The following PCDHGA5 variants were observed in gnomAD, a reference collection of about 807,000 sequenced individuals.
The protein encoded by PCDHGA5 is protocadherin gamma subfamily A, 5.
Under a neutral mutation model 56.7 loss-of-function variants are expected in PCDHGA5, and 36 were observed. The observed-to-expected ratio is 0.64, with a 90% CI of 0.49 to 0.84. The LOEUF (loss-of-function observed/expected upper bound fraction) is 0.84, where lower values mean the gene tolerates loss of function less well. Among genes scored for constraint, PCDHGA5 ranks in the 40% least tolerant of loss-of-function variants. The pLI, the probability that PCDHGA5 is intolerant of heterozygous loss-of-function variation, is 0.00. For missense variants in PCDHGA5, 1,305 were observed against 1,201.5 expected (o/e 1.09, Z -1.27); for synonymous variants, 563 against 520.2 (o/e 1.08, Z -1.12).
chr5:141,485,607 C>T lies in PCDHGA5; in HGVS notation c.2422-9200C>T. On this transcript the variant is annotated intron_variant, in intron 1 of 3. Coordinates refer to ENST00000518069, the MANE Select transcript of PCDHGA5 (RefSeq NM_018918.3). The surrounding 1 kb of genome is among the most constrained non-coding windows in gnomAD (Gnocchi z 5.7). ...CAGCTGGACTTGGAAATTGGGGAGG[C>T]AGCTCCTCCAGGACAGCGTTTCCCG... is the stretch of plus-strand genomic sequence containing the variant. 1 of 1,612,008 alleles carries T rather than the reference C, an allele frequency of 6.2e-7. No individual in the cohort carries two copies. The highest frequency in any genetic ancestry group is 8.5e-7 in the Non-Finnish European group (1 of 1,178,534).
At chr5:141,496,412 T>C (rs1322376676) in intron 2 of PCDHGA5, among the ~76,000 whole-genome samples, 1 of 152,180 alleles carries the variant, frequency 6.6e-6, no homozygotes, top group African/African-American at 2.4e-5. Context: ...GGTTGAGTAC[T>C]TGCTGTCCAC....
At chr5:141,371,409 G>A in intron 1 of PCDHGA5, 7 of 1,614,022 alleles carry the variant, frequency 4.3e-6, no homozygotes, top group Non-Finnish European at 5.9e-6. Context: ...AGATATTTCA[G>A]ATGAAAATGA....
chr5:141,501,328 CACA>C (rs2099808027), intron 2 of PCDHGA5, among the ~76,000 whole-genome samples: 1 of 151,710 alleles, frequency 6.6e-6, no homozygotes, highest in Non-Finnish European at 1.5e-5. Context: ...CACACACACA[CACA>C]CACCCCAAAC....
intron 1 of PCDHGA5, chr5:141,399,869 G>A: frequency 1.2e-6 from 2 of 1,612,822 alleles, no homozygotes; most frequent in Non-Finnish European, 8.5e-7. Context: ...GCAGAGCCCG[G>A]CTACCTGGTG....
In PCDHGA5 at chr5:141,433,401, A is replaced by ATCTC. The variant is rs1554126038; in HGVS notation, c.2422-61403_2422-61402insCTCT. On this transcript the variant is annotated intron_variant, in intron 1 of 3. Transcript: ENST00000518069. ...TATCTATCTATCTATCTATCTATCT[A>ATCTC]TCTATTACTTTCTTGTACAGACAGG... Among the ~76,000 whole-genome samples, 677 of 150,598 alleles carry ATCTC rather than the reference A, an allele frequency of 4.5e-3. 6 individuals are homozygous for ATCTC. Among genetic ancestry groups the ATCTC allele is most frequent in the African/African-American group, 0.015 (630 of 40,958 alleles).
At chr5:141,420,213 G>A in intron 1 of PCDHGA5, 1 of 1,611,648 alleles carries the variant, frequency 6.2e-7, no homozygotes, top group Non-Finnish European at 8.5e-7. Flanking sequence ...AACAAAGATA[G>A]CATGCTACTG....
intron 1 of PCDHGA5, chr5:141,375,644 G>C: frequency 6.2e-7 from 1 of 1,614,180 alleles, no homozygotes; most frequent in Non-Finnish European, 8.5e-7. Flanking sequence ...GCGCTCCTTC[G>C]ACTATGAGCA....
chr5:141,372,625 G>A (rs1768925620), intron 1 of PCDHGA5: 8 of 1,614,000 alleles, frequency 5.0e-6, no homozygotes, highest in Non-Finnish European at 6.8e-6. Flanking sequence ...CCCACCTACA[G>A]CGAAAGGACT....
chr5:141,491,641 C>T lies in PCDHGA5; in HGVS notation c.2422-3166C>T. Reference sequence around the variant, plus strand: ...CCTCAGCGTTCAGCAGCCCACAGCTCTGGCGCTGGAGCCTGACGCCATCCG... The same window carrying T: ...CCTCAGCGTTCAGCAGCCCACAGCTTTGGCGCTGGAGCCTGACGCCATCCG... On this transcript the variant is annotated intron_variant, in intron 1 of 3. Coordinates refer to ENST00000518069, the MANE Select transcript of PCDHGA5 (RefSeq NM_018918.3). The surrounding 1 kb of genome is among the most constrained non-coding windows in gnomAD (Gnocchi z 6.9). The T allele has an allele frequency of 6.2e-7, 1 of 1,613,896 alleles. No homozygotes were observed. Among genetic ancestry groups the T allele is most frequent in the Non-Finnish European group, 8.5e-7 (1 of 1,180,018 alleles).
chr5:141,434,209 A>G (rs946478332), intron 1 of PCDHGA5, among the ~76,000 whole-genome samples: 17 of 152,216 alleles, frequency 1.1e-4, no homozygotes, highest in African/African-American at 4.1e-4. Flanking sequence ...TACTTCTGTC[A>G]GTGTAAACAA....
intron 1 of PCDHGA5, chr5:141,398,897 C>T (rs761364649): frequency 1.2e-6 from 2 of 1,613,932 alleles, no homozygotes; most frequent in Non-Finnish European, 1.7e-6. Context: ...AACGTGCCAC[C>T]AGGCACCACT....
intron 1 of PCDHGA5, chr5:141,393,194 C>G (rs770162660): frequency 6.2e-7 from 1 of 1,613,362 alleles, no homozygotes. Flanking sequence ...TTGATATTAA[C>G]GATAATAACC....
intron 1 of PCDHGA5, among the ~76,000 whole-genome samples, chr5:141,483,575 A>G (rs1165739266): frequency 6.6e-6 from 1 of 152,194 alleles, no homozygotes; most frequent in Non-Finnish European, 1.5e-5. Flanking sequence ...GAATTCTGGC[A>G]TAAACACCTA....
intron 1 of PCDHGA5, chr5:141,376,312 G>A (rs984837472): frequency 6.2e-7 from 1 of 1,614,060 alleles, no homozygotes; most frequent in African/African-American, 1.3e-5. Flanking sequence ...TTGTGGGCGT[G>A]GAAGGGGTTC....
intron 3 of PCDHGA5, among the ~76,000 whole-genome samples, chr5:141,506,402 G>C (rs1032556978): frequency 7.0e-6 from 1 of 143,732 alleles, no homozygotes; most frequent in African/African-American, 2.6e-5. Context: ...GCAGAAAATC[G>C]CACCACTGCA....
chr5:141,392,671 C>A, intron 1 of PCDHGA5: 1 of 875,408 alleles, frequency 1.1e-6, no homozygotes, highest in Non-Finnish European at 1.7e-6. Context: ...AAACTAACTG[C>A]TGGACTGCAG....
intron 1 of PCDHGA5, chr5:141,414,287 C>G: frequency 6.2e-7 from 1 of 1,613,434 alleles, no homozygotes; most frequent in Non-Finnish European, 8.5e-7. Flanking sequence ...ACAGTCGTAG[C>G]CCTTTTAAAT....
At chr5:141,427,156 T>G (rs533425641) in intron 1 of PCDHGA5, 10 of 456,890 alleles carry the variant, frequency 2.2e-5, no homozygotes, top group African/African-American at 2.0e-4. Flanking sequence ...AATATGTTTG[T>G]GCTAGACCAT....
At chr5:141,415,818 A>C in intron 1 of PCDHGA5, 11 of 1,325,038 alleles carry the variant, frequency 8.3e-6, no homozygotes, top group Non-Finnish European at 8.7e-6. Flanking sequence ...CCTATATATC[A>C]TAAGGCTTTG....
Sources: allele counts gnomAD v4.1 joint callset (sites outside exome capture counted in the v4.1 genomes callset), GRCh38; gene constraint gnomAD v4.1.1; non-coding constraint Gnocchi (gnomAD v3.1); transcripts MANE v1.5; gene names NCBI Gene and HGNC (gene_info 2026-07-23, HGNC 2026-07-21).